The following SYT6 variants were observed in gnomAD, a reference collection of about 807,000 sequenced individuals.
SYT6 encodes synaptotagmin-6.
A neutral mutation model predicts 38.4 loss-of-function variants in SYT6; 24 were observed. The ratio of observed to expected loss-of-function variants is 0.62; its 90% confidence interval spans 0.45 to 0.88. The LOEUF is 0.88. Ranked by LOEUF, SYT6 falls within the 40% of genes least tolerant of loss-of-function variation. The probability of loss-of-function intolerance (pLI) is 0.00; values close to 1 mark genes in which losing one functional copy is unlikely to be tolerated. For synonymous variants in SYT6, 265 were observed against 241.9 expected, an observed-to-expected ratio of 1.10 and a Z score of -0.89; for missense variants, 611 against 621.0, an observed-to-expected ratio of 0.98 and a Z score of 0.17.
In SYT6 at chr1:114,153,659, C is replaced by G. The variant is rs1258854282; in HGVS notation, c.114G>C (p.Arg38=). The G allele has an allele frequency of 4.5e-6, 3 of 661,690 alleles. No homozygotes were observed. The Admixed American group carries it at 7.2e-5, about 16-fold the overall frequency. The allele number at this position is 661,690 out of a possible 1,614,324, so 41.0% of individuals were successfully genotyped here. The change falls in exon 1 of 8, where the codon CGG becomes CGC. Residue 38 remains arginine (R), a synonymous_variant. Transcript: ENST00000610222. ...PPLGLDVETC[R]SFELQPPERS... is the part of the protein sequence containing the mutation. ...GCTCTGGGGGCTGCAGCTCGAAGCT[C>G]CGACAAGTCTCCACGTCCAGCCCGA...
intron 1 of SYT6, among the ~76,000 whole-genome samples, chr1:114,146,747 C>A (rs141197077): frequency 1.3e-5 from 2 of 152,330 alleles, no homozygotes; most frequent in South Asian, 4.1e-4. Context: ...GAGAAGGAAG[C>A]ATTGCCCTGA....
In SYT6 at chr1:114,137,991, T is replaced by C. The variant is rs748426897; in HGVS notation, c.575A>G (p.Asn192Ser). Residue 192 changes from asparagine (N) to serine (S), a missense_variant, in exon 3 of 8, where the codon AAT (asparagine) becomes AGT (serine). Transcript: ENST00000610222. ...CTGCTCTGCTGCTGGTGGAAGCTCATTGCCATAGTCTACACTGGAGACATG... is the reference window on the plus strand; with the variant it reads ...CTGCTCTGCTGCTGGTGGAAGCTCACTGCCATAGTCTACACTGGAGACATG... ...QMHVSSVDYG[N>S]ELPPAAEQPT... 2 of 1,613,850 alleles carry C rather than the reference T, an allele frequency of 1.2e-6. No individual in the cohort carries two copies. Among genetic ancestry groups the C allele is most frequent in the African/African-American group, 1.3e-5 (1 of 74,830 alleles).
chr1:114,107,431 G>A (rs1015787539), intron 3 of SYT6, among the ~76,000 whole-genome samples: 10 of 152,196 alleles, frequency 6.6e-5, no homozygotes, highest in African/African-American at 9.6e-5. Flanking sequence ...ATCCATGGGC[G>A]CAGCCAGGTG....
chr1:114,148,665 T>C (rs1679278723), intron 1 of SYT6, among the ~76,000 whole-genome samples: 1 of 147,622 alleles, frequency 6.8e-6, no homozygotes, highest in Admixed American at 6.7e-5. Flanking sequence ...ATACTAATAA[T>C]ATCATTTATT....
At chr1:114,143,604 G>A (rs1431561617) in intron 1 of SYT6, among the ~76,000 whole-genome samples, 1 of 151,342 alleles carries the variant, frequency 6.6e-6, no homozygotes, top group Non-Finnish European at 1.5e-5. Context: ...TATGCACTGG[G>A]AAACCAAAAA....
At chr1:114,142,413 CTTGTGGATGAGTAAATAAA>C (rs1678915109) in intron 1 of SYT6, among the ~76,000 whole-genome samples, 1 of 152,110 alleles carries the variant, frequency 6.6e-6, no homozygotes, top group Non-Finnish European at 1.5e-5. Context: ...GGAGTTGCTT[CTTGTGGATGAGTAAATAAA>C]TTGTGGATGA....
In SYT6 at chr1:114,116,611, A is replaced by T. The variant is rs1446699017; in HGVS notation, c.1072-12890T>A. ...TTGAAGGTGTCAGATCTCAAAATTCATTCCCTTGGTGCGGGATATTTAAGG... is the reference window on the plus strand; with the variant it reads ...TTGAAGGTGTCAGATCTCAAAATTCTTTCCCTTGGTGCGGGATATTTAAGG... On this transcript the variant is annotated intron_variant, in intron 3 of 7. Coordinates refer to ENST00000610222, the MANE Select transcript of SYT6 (RefSeq NM_001253772.2). Among the ~76,000 whole-genome samples the T allele has an allele frequency of 2.0e-5, 3 of 152,176 alleles. No individual in the cohort carries two copies. The South Asian group carries it at 6.2e-4, about 32-fold the overall frequency.
rs1676107635 is a variant in SYT6 at position 114,103,803 on chromosome 1, T to C, written c.1072-82A>G. The stretch of plus-strand genomic sequence containing the variant: ...TCCAGTGCAGTATCTGCTGGGGCGC[T>C]CTGGGGTCAGGAGGAGGCTCTTGGA... On this transcript the variant is annotated intron_variant, in intron 3 of 7. Coordinates refer to ENST00000610222, the MANE Select transcript of SYT6 (RefSeq NM_001253772.2). The C allele has an allele frequency of 4.6e-6, 7 of 1,526,286 alleles. No homozygotes were observed. In the South Asian group the frequency reaches 8.7e-5, roughly 19 times the overall value. The allele number at this position is 1,526,286 out of a possible 1,614,324, so 94.5% of individuals were successfully genotyped here. A position where few individuals can be genotyped will look rare whatever the true frequency, so the allele number is the denominator to read the frequency against.
At chr1:114,150,040 C>G (rs1679366407) in intron 1 of SYT6, among the ~76,000 whole-genome samples, 3 of 152,120 alleles carry the variant, frequency 2.0e-5, no homozygotes, top group Non-Finnish European at 4.4e-5. Flanking sequence ...GGAACTTTGT[C>G]TTAGCATGCT....
At chr1:114,139,400 C>T (rs545469326) in intron 2 of SYT6, among the ~76,000 whole-genome samples, 3 of 152,300 alleles carry the variant, frequency 2.0e-5, no homozygotes, top group East Asian at 3.9e-4. Flanking sequence ...ACATATACAG[C>T]AACCCGCCTC....
chr1:114,123,511 C>G (rs888201503), intron 3 of SYT6, among the ~76,000 whole-genome samples: 1 of 152,168 alleles, frequency 6.6e-6, no homozygotes, highest in Non-Finnish European at 1.5e-5. Context: ...AAGTGCAAAG[C>G]CTTTTGGGGG....
chr1:114,126,570 A>C (rs925664045), intron 3 of SYT6, among the ~76,000 whole-genome samples: 4 of 152,224 alleles, frequency 2.6e-5, no homozygotes, highest in Non-Finnish European at 4.4e-5. Flanking sequence ...TGGTGGAAGC[A>C]CTAAGCAAGT....
chr1:114,133,218 G>A (rs1378929825), intron 3 of SYT6, among the ~76,000 whole-genome samples: 1 of 152,018 alleles, frequency 6.6e-6, no homozygotes, highest in Admixed American at 6.6e-5. Flanking sequence ...CTCTAAACTA[G>A]TAGGGACCTG....
intron 3 of SYT6, among the ~76,000 whole-genome samples, chr1:114,131,450 C>T (rs76726466): frequency 0.056 from 8,571 of 152,254 alleles, 297 homozygotes; most frequent in African/African-American, 0.095. Context: ...TCTCATCTGA[C>T]TCTGATTTCT....
intron 4 of SYT6, among the ~76,000 whole-genome samples, chr1:114,099,479 T>G (rs907492307): frequency 2.0e-5 from 3 of 152,182 alleles, no homozygotes; most frequent in South Asian, 2.1e-4. Context: ...TTTAGCTACC[T>G]CAGTATTCTT....
chr1:114,114,678 G>A (rs1403953830), intron 3 of SYT6, among the ~76,000 whole-genome samples: 1 of 152,216 alleles, frequency 6.6e-6, no homozygotes, highest in Non-Finnish European at 1.5e-5. Context: ...ATTATTGACA[G>A]GCTTCCCAGA....
intron 3 of SYT6, among the ~76,000 whole-genome samples, chr1:114,111,196 G>A (rs1013389729): frequency 3.3e-5 from 5 of 152,110 alleles, no homozygotes; most frequent in Admixed American, 6.5e-5. Context: ...CCCAGGTGCC[G>A]TACACTCCAG....
At chr1:114,148,085 G>C (rs1428020816) in intron 1 of SYT6, among the ~76,000 whole-genome samples, 1 of 152,170 alleles carries the variant, frequency 6.6e-6, no homozygotes, top group Non-Finnish European at 1.5e-5. Context: ...AAATGAGACT[G>C]TCTGGTTGGG....
intron 3 of SYT6, among the ~76,000 whole-genome samples, chr1:114,107,609 G>A (rs747902728): frequency 2.0e-5 from 3 of 152,162 alleles, no homozygotes; most frequent in Non-Finnish European, 2.9e-5. Flanking sequence ...CACAAGCAGC[G>A]GAGGACTGGA....
Sources: gnomAD v4.1 joint callset for allele counts (sites outside exome capture counted in the v4.1 genomes callset) on GRCh38, gnomAD v4.1.1 for gene constraint, MANE v1.5 for transcripts, NCBI Gene and HGNC (gene_info 2026-07-23, HGNC 2026-07-21) for gene names.